THSD7B: variants seen among roughly 807,000 people sequenced by gnomAD.
THSD7B encodes the protein thrombospondin type 1 domain containing 7B.
THSD7B carries 138 observed loss-of-function variants against 213.6 expected under a neutral mutation model. That is an observed-to-expected ratio of 0.65 (90% confidence interval 0.56 to 0.74). THSD7B has a LOEUF of 0.74. THSD7B is among the 30% of genes least tolerant of loss of function. The pLI, the probability that THSD7B is intolerant of heterozygous loss-of-function variation, is 0.00. For synonymous variants in THSD7B, 742 were observed against 687.0 expected, an observed-to-expected ratio of 1.08 and a Z score of -1.25; for missense variants, 1,931 against 1,991.5, an observed-to-expected ratio of 0.97 and a Z score of 0.58.
intron 14 of THSD7B, among the ~76,000 whole-genome samples, chr2:137,414,545 C>A (rs1686749696): frequency 6.6e-6 from 1 of 151,662 alleles, no homozygotes; most frequent in Admixed American, 6.6e-5. Context: ...ATAGGGAGGA[C>A]TTGCCTCTAG....
intron 2 of THSD7B, among the ~76,000 whole-genome samples, chr2:137,006,950 G>T (rs1004586643): frequency 1.3e-5 from 2 of 152,118 alleles, no homozygotes; most frequent in African/African-American, 4.8e-5. Flanking sequence ...AATTTAAAGA[G>T]AATTTTTAAT....
intron 14 of THSD7B, among the ~76,000 whole-genome samples, chr2:137,448,561 G>A (rs989501892): frequency 6.6e-6 from 1 of 151,906 alleles, no homozygotes. Flanking sequence ...TGTAATCCCA[G>A]CACTTTGGGA....
intron 2 of THSD7B, among the ~76,000 whole-genome samples, chr2:136,895,944 C>A (rs928769614): frequency 5.9e-5 from 9 of 152,270 alleles, no homozygotes; most frequent in East Asian, 3.9e-4. Flanking sequence ...ATCACTATTT[C>A]ATTCTTTTGT....
intron 9 of THSD7B, among the ~76,000 whole-genome samples, chr2:137,241,923 A>G (rs564287144): frequency 1.1e-4 from 17 of 151,922 alleles, no homozygotes; most frequent in Admixed American, 3.3e-4. Flanking sequence ...AAAAAAAAAA[A>G]AAAGAAAAGG....
intron 16 of THSD7B, among the ~76,000 whole-genome samples, chr2:137,564,720 G>T (rs1558841545): frequency 6.6e-6 from 1 of 152,236 alleles, no homozygotes; most frequent in African/African-American, 2.4e-5. Context: ...GGACAGAATT[G>T]TGGAAGGTTG....
At chr2:137,467,402 T>C (rs1558806243) in intron 15 of THSD7B, among the ~76,000 whole-genome samples, 1 of 152,060 alleles carries the variant, frequency 6.6e-6, no homozygotes, top group Non-Finnish European at 1.5e-5. Flanking sequence ...TCAGTGCACA[T>C]TGTGATTGAG....
At chr2:137,145,325 G>A (rs182982646) in intron 5 of THSD7B, among the ~76,000 whole-genome samples, 243 of 152,140 alleles carry the variant, frequency 1.6e-3, no homozygotes, top group African/African-American at 5.2e-3. Context: ...TTGTTCCCAG[G>A]ATAAGAATAT....
At chr2:137,027,255 T>C (rs1035830541) in intron 2 of THSD7B, among the ~76,000 whole-genome samples, 2 of 152,174 alleles carry the variant, frequency 1.3e-5, no homozygotes, top group African/African-American at 4.8e-5. Context: ...GATGGCTCTT[T>C]CTCGCTTAGA....
chr2:137,326,178 A>G (rs1000273803), intron 12 of THSD7B, among the ~76,000 whole-genome samples: 6 of 152,240 alleles, frequency 3.9e-5, no homozygotes, highest in Admixed American at 2.6e-4. Context: ...GGTGAGGGAC[A>G]TAGCTTCTAT....
At chr2:136,981,400 G>C (rs1685575702) in intron 2 of THSD7B, among the ~76,000 whole-genome samples, 1 of 152,076 alleles carries the variant, frequency 6.6e-6, no homozygotes, top group Admixed American at 6.6e-5. Context: ...AGTTGTGAGG[G>C]TTCACTATCT....
chr2:136,989,896 G>A (rs985064408), intron 2 of THSD7B, among the ~76,000 whole-genome samples: 5 of 152,186 alleles, frequency 3.3e-5, no homozygotes, highest in African/African-American at 1.2e-4. Context: ...AATGATAGTG[G>A]CTAGTACTAG....
intron 15 of THSD7B, among the ~76,000 whole-genome samples, chr2:137,472,599 C>CA (rs1036940660): frequency 1.3e-5 from 2 of 152,272 alleles, no homozygotes; most frequent in African/African-American, 4.8e-5. Context: ...CAGTCTTTTA[C>CA]AACGGGTTGT....
chr2:137,425,563 C>CA, intron 14 of THSD7B, among the ~76,000 whole-genome samples: 1 of 152,254 alleles, frequency 6.6e-6, no homozygotes, highest in African/African-American at 2.4e-5. Context: ...AGGTTACATG[C>CA]AAATGCTATT....
intron 2 of THSD7B, among the ~76,000 whole-genome samples, chr2:137,019,882 T>C (rs889786557): frequency 1.3e-5 from 2 of 152,194 alleles, no homozygotes; most frequent in African/African-American, 4.8e-5. Context: ...AAATATTTAA[T>C]TTGACTACTG....
intron 5 of THSD7B, among the ~76,000 whole-genome samples, chr2:137,133,390 A>G (rs1281233829): frequency 6.6e-6 from 1 of 152,208 alleles, no homozygotes; most frequent in Non-Finnish European, 1.5e-5. Context: ...TCAATAAAGT[A>G]AAAGGGACTC....
At chr2:137,652,044 AT>A (rs1683150151) in intron 21 of THSD7B, among the ~76,000 whole-genome samples, 1 of 152,090 alleles carries the variant, frequency 6.6e-6, no homozygotes, top group African/African-American at 2.4e-5. Context: ...TGGGTGAAAT[AT>A]TCTATAAATA....
intron 15 of THSD7B, among the ~76,000 whole-genome samples, chr2:137,458,368 G>A (rs961194208): frequency 6.6e-6 from 1 of 152,064 alleles, no homozygotes; most frequent in East Asian, 1.9e-4. Flanking sequence ...TACTTTGACT[G>A]GACCACTTCC....
rs183827501 is a variant in THSD7B, at chr2:137,360,621, G to A, written c.2501-44992G>A. 5.8e-4 allele frequency among the ~76,000 whole-genome samples: 88 copies of A among 152,246 alleles called. 1 individual carries two copies. Among genetic ancestry groups the A allele is most frequent in the Admixed American group, 1.3e-3 (20 of 15,288 alleles). On this transcript the variant is annotated intron_variant, in intron 12 of 27. Transcript: ENST00000409968. ...AGAGCCTTGCTCACTGCTAGTCCAA[G>A]ATTGAACTGCTGGGCGGCAAGCCTG... is the stretch of plus-strand genomic sequence containing the variant.
chr2:136,964,344 G>A (rs981945177), intron 2 of THSD7B, among the ~76,000 whole-genome samples: 1 of 152,018 alleles, frequency 6.6e-6, no homozygotes, highest in Non-Finnish European at 1.5e-5. Context: ...AGGATTGCCC[G>A]AGCCCAGAAG....
Sources: allele counts gnomAD v4.1 joint callset (sites outside exome capture counted in the v4.1 genomes callset), GRCh38; gene constraint gnomAD v4.1.1; transcripts MANE v1.5; gene names NCBI Gene and HGNC (gene_info 2026-07-23, HGNC 2026-07-21).